Variants in MRPS35 observed in about 807,000 individuals in gnomAD.
The protein encoded by MRPS35 is mitochondrial ribosomal protein S35.
Under a neutral mutation model 32.7 loss-of-function variants are expected in MRPS35, and 29 were observed. The observed-to-expected ratio is 0.89, with a 90% CI of 0.66 to 1.21. MRPS35 has a LOEUF of 1.21. MRPS35 is among the 50% of genes most tolerant of loss of function. The pLI is 0.00. For missense variants in MRPS35, 373 were observed against 383.8 expected, an observed-to-expected ratio of 0.97 and a Z score of 0.23; for synonymous variants, 148 against 139.3, an observed-to-expected ratio of 1.06 and a Z score of -0.44.
intron 7 of MRPS35, among the ~76,000 whole-genome samples, chr12:27,745,430 T>C (rs1271004635): frequency 6.6e-6 from 1 of 152,198 alleles, no homozygotes; most frequent in Non-Finnish European, 1.5e-5. Context: ...CAAAATGTTA[T>C]GAAATAAGAG....
chr12:27,749,647 C>G (rs1386520765), intron 7 of MRPS35, among the ~76,000 whole-genome samples: 1 of 152,164 alleles, frequency 6.6e-6, no homozygotes, highest in Non-Finnish European at 1.5e-5. Flanking sequence ...TGTGGAACCC[C>G]TTACTCCCAA....
At chr12:27,735,228 T>A (rs1209384480) in intron 5 of MRPS35, among the ~76,000 whole-genome samples, 1 of 152,232 alleles carries the variant, frequency 6.6e-6, no homozygotes, top group Non-Finnish European at 1.5e-5. Context: ...TGCCCAGAAC[T>A]TTCAAAGAAC....
intron 4 of MRPS35, among the ~76,000 whole-genome samples, chr12:27,721,409 G>A (rs1019833640): frequency 2.0e-5 from 3 of 152,232 alleles, no homozygotes; most frequent in East Asian, 3.9e-4. Flanking sequence ...TGTAATGCTC[G>A]CACTTTGGGA....
Position 27,714,800 on chromosome 12 carries a change from G to C in MRPS35, c.133G>C (p.Glu45Gln), listed in dbSNP as rs1158175616. The C allele has an allele frequency of 6.2e-7, 1 of 1,610,718 alleles. No homozygotes were observed. Among genetic ancestry groups the C allele is most frequent in the East Asian group, 2.2e-5 (1 of 44,842 alleles). ...PSLPERTPGN[E>Q]RPPRRKALPP... ...TACAGCGGAAAGAACACCCGGAAAT[G>C]AAAGGCCACCAAGAAGAAAGGTAAA... is the stretch of plus-strand genomic sequence containing the variant. The change falls in exon 2 of 8, where the codon GAA becomes CAA. Residue 45 changes from glutamate to glutamine, a missense_variant. Coordinates refer to ENST00000081029, the MANE Select transcript of MRPS35 (RefSeq NM_021821.4).
chr12:27,748,394 G>A (rs1279868951), intron 7 of MRPS35, among the ~76,000 whole-genome samples: 4 of 151,926 alleles, frequency 2.6e-5, no homozygotes, highest in Non-Finnish European at 5.9e-5. Flanking sequence ...AGGGGTTGGG[G>A]GTCAGGGCAG....
At chr12:27,714,243 AT>A (rs1011475485) in intron 1 of MRPS35, among the ~76,000 whole-genome samples, 1 of 152,122 alleles carries the variant, frequency 6.6e-6, no homozygotes, top group Non-Finnish European at 1.5e-5. Context: ...TGTAAGAGTC[AT>A]TTTTTAGATA....
chr12:27,730,037 A>T (rs867459457), intron 5 of MRPS35, among the ~76,000 whole-genome samples: 1 of 152,254 alleles, frequency 6.6e-6, no homozygotes, highest in Non-Finnish European at 1.5e-5. Context: ...TTCCAAGAAT[A>T]GTAGAGAATT....
At chr12:27,755,151 C>T in intron 7 of MRPS35, 30 bp from the exon 8 acceptor site, 1 of 1,484,840 alleles carries the variant, frequency 6.7e-7, no homozygotes, top group Non-Finnish European at 9.0e-7. Flanking sequence ...GAATTCAGAA[C>T]TCATTTTTTT....
At chr12:27,744,449 A>G (rs941989504) in intron 7 of MRPS35, among the ~76,000 whole-genome samples, 1 of 152,064 alleles carries the variant, frequency 6.6e-6, no homozygotes, top group African/African-American at 2.4e-5. Context: ...CAAAAAAAAA[A>G]TTAGGAAGTA....
intron 7 of MRPS35, among the ~76,000 whole-genome samples, chr12:27,742,604 A>C (rs182746818): frequency 2.7e-3 from 418 of 152,316 alleles, no homozygotes; most frequent in Non-Finnish European, 4.7e-3. Flanking sequence ...TTTAAAGAGC[A>C]GGCAGAAGTT....
intron 7 of MRPS35, among the ~76,000 whole-genome samples, chr12:27,746,017 A>G (rs956111134): frequency 6.6e-6 from 1 of 152,220 alleles, no homozygotes; most frequent in South Asian, 2.1e-4. Context: ...ATAGTGCCAC[A>G]GTAAACATAT....
intron 5 of MRPS35, among the ~76,000 whole-genome samples, chr12:27,731,759 G>A (rs1253014153): frequency 1.3e-5 from 2 of 152,088 alleles, no homozygotes; most frequent in Non-Finnish European, 2.9e-5. Flanking sequence ...AGTAGAGATG[G>A]GGTTTCACCA....
intron 3 of MRPS35, among the ~76,000 whole-genome samples, chr12:27,718,391 C>T (rs1029974077): frequency 6.6e-5 from 10 of 152,118 alleles, no homozygotes; most frequent in South Asian, 2.1e-4. Flanking sequence ...CGTGCCACTG[C>T]GACAGAGCAA....
intron 5 of MRPS35, among the ~76,000 whole-genome samples, chr12:27,726,754 T>C (rs1299889410): frequency 2.6e-5 from 4 of 152,122 alleles, no homozygotes; most frequent in Non-Finnish European, 5.9e-5. Context: ...TCTTTTCATG[T>C]GCTTGTTGAC....
chr12:27,751,085 A>T (rs1320673054), intron 7 of MRPS35, among the ~76,000 whole-genome samples: 2 of 129,830 alleles, frequency 1.5e-5, no homozygotes, highest in Non-Finnish European at 1.6e-5. Context: ...CCTGGGTGAC[A>T]GAGTGAGACT....
intron 5 of MRPS35, among the ~76,000 whole-genome samples, chr12:27,730,511 C>T (rs941113697): frequency 7.9e-5 from 12 of 152,152 alleles, no homozygotes; most frequent in African/African-American, 2.9e-4. Flanking sequence ...TGCAGTGGCA[C>T]AAGCACGGCT....
intron 5 of MRPS35, among the ~76,000 whole-genome samples, chr12:27,733,014 A>C (rs202152568): frequency 2.8e-5 from 1 of 35,730 alleles, no homozygotes. Flanking sequence ...ATATATATAT[A>C]TATATATATA....
rs140087258 is a variant in MRPS35 at position 27,731,349 on chromosome 12, A to G, written c.523-4098A>G. ...TGGGACCCTCAAAATATTAACTTTT[A>G]TACTCTGTGTAGCCTGTACTTTAAG... On this transcript the variant is annotated intron_variant, in intron 5 of 7. Coordinates refer to ENST00000081029, the MANE Select transcript of MRPS35 (RefSeq NM_021821.4). 5.9e-3 allele frequency among the ~76,000 whole-genome samples: 896 copies of G among 152,276 alleles called. 8 individuals are homozygous for G. Among genetic ancestry groups the G allele is most frequent in the African/African-American group, 0.021 (866 of 41,552 alleles).
At chr12:27,753,030 C>T (rs1467948224) in intron 7 of MRPS35, 2 of 152,260 alleles carry the variant, frequency 1.3e-5, no homozygotes, top group African/African-American at 4.8e-5. Flanking sequence ...CACATTATGC[C>T]TTCCCTGCCA....
Sources: gnomAD v4.1 joint callset for allele counts (sites outside exome capture counted in the v4.1 genomes callset) on GRCh38, gnomAD v4.1.1 for gene constraint, MANE v1.5 for transcripts, NCBI Gene and HGNC (gene_info 2026-07-23, HGNC 2026-07-21) for gene names.